The following SYNE2 variants were observed in gnomAD, a reference collection of about 807,000 sequenced individuals.
SYNE2 encodes spectrin repeat containing nuclear envelope protein 2.
A neutral mutation model predicts 856.3 loss-of-function variants in SYNE2; 431 were observed. The observed-to-expected ratio is 0.50, with a 90% CI of 0.47 to 0.55. SYNE2 has a LOEUF of 0.55. SYNE2 is among the 20% of genes least tolerant of loss of function. The probability of loss-of-function intolerance (pLI) is 0.00; values close to 1 mark genes in which losing one functional copy is unlikely to be tolerated. For synonymous variants in SYNE2, 2,923 were observed against 2,872.3 expected (o/e 1.02, Z -0.56); for missense variants, 8,129 against 8,023.2 (o/e 1.01, Z -0.50).
chr14:64,172,476 A>T (rs1292922749), intron 94 of SYNE2, among the ~76,000 whole-genome samples: 1 of 152,174 alleles, frequency 6.6e-6, no homozygotes, highest in Admixed American at 6.5e-5. Flanking sequence ...GAGGGCTTCC[A>T]GTGGCCAGAC....
At chr14:63,798,867 TG>T (rs1222248555) in intron 1 of SYNE2, among the ~76,000 whole-genome samples, 1 of 151,952 alleles carries the variant, frequency 6.6e-6, no homozygotes, top group Non-Finnish European at 1.5e-5. Context: ...GGAAAAAAGG[TG>T]GGTAGGAACA....
chr14:63,884,857 G>A (rs1417822410), intron 1 of SYNE2, among the ~76,000 whole-genome samples: 1 of 151,988 alleles, frequency 6.6e-6, no homozygotes, highest in Non-Finnish European at 1.5e-5. Flanking sequence ...AGCCAGGATG[G>A]TCTCGATCTC....
At chr14:63,999,128 G>A in intron 27 of SYNE2, 88 bp downstream of exon 27, 1 of 1,253,444 alleles carries the variant, frequency 8.0e-7, no homozygotes, top group Non-Finnish European at 1.1e-6. Context: ...TTTCTGTTGA[G>A]GTCACATATG....
At position 63,971,444 on chromosome 14, in the gene SYNE2, T is replaced by C. The variant is rs567914201; in HGVS notation, c.1128+3598T>C. On this transcript the variant is annotated intron_variant, in intron 11 of 115. Coordinates refer to ENST00000555002, the MANE Select transcript of SYNE2 (RefSeq NM_182914.3). ...GAGTTGTACAATATCTAAGTTATTG[T>C]ACAACTTTTTGTAACATGTAGAAAT... Among the ~76,000 whole-genome samples the C allele has an allele frequency of 4.6e-5, 7 of 152,238 alleles. No individual in the cohort carries two copies. In the East Asian group the frequency reaches 1.2e-3, roughly 25 times the overall value.
chr14:63,903,774 A>G (rs2095369423), intron 1 of SYNE2, among the ~76,000 whole-genome samples: 1 of 148,726 alleles, frequency 6.7e-6, no homozygotes, highest in South Asian at 2.1e-4. Context: ...TACATTTGAT[A>G]CCTTATATTT....
intron 70 of SYNE2, among the ~76,000 whole-genome samples, chr14:64,124,701 T>A (rs887505494): frequency 1.3e-5 from 2 of 152,216 alleles, no homozygotes; most frequent in African/African-American, 4.8e-5. Context: ...CATCTTTTTC[T>A]ATTTAAATTA....
intron 1 of SYNE2, among the ~76,000 whole-genome samples, chr14:63,875,569 G>A (rs1298991427): frequency 1.3e-5 from 2 of 151,968 alleles, no homozygotes; most frequent in Non-Finnish European, 2.9e-5. Flanking sequence ...GCCTGCGTTT[G>A]TGGAAACAGA....
chr14:63,969,368 G>C (rs1237270433), intron 11 of SYNE2, among the ~76,000 whole-genome samples: 1 of 126,002 alleles, frequency 7.9e-6, no homozygotes, highest in African/African-American at 3.1e-5. Context: ...TTGAGATGGG[G>C]TCTTGTTCTG....
chr14:63,771,400 T>C (rs995039295), intron 1 of SYNE2, among the ~76,000 whole-genome samples: 1 of 152,150 alleles, frequency 6.6e-6, no homozygotes, highest in Non-Finnish European at 1.5e-5. Flanking sequence ...ACTGAAATTT[T>C]GCTAATGACT....
chr14:64,080,786 T>C, intron 56 of SYNE2, 148 bp downstream of exon 56: 1 of 969,950 alleles, frequency 1.0e-6, no homozygotes, highest in Non-Finnish European at 1.6e-6. Context: ...GTGTGGGTGC[T>C]GAGGAGACAG....
chr14:63,852,411 G>C (rs537702987), upstream of SYNE2, among the ~76,000 whole-genome samples: 1 of 152,246 alleles, frequency 6.6e-6, no homozygotes, highest in African/African-American at 2.4e-5. Flanking sequence ...TGTCAGGTCG[G>C]ACGACTGAGA....
intron 66 of SYNE2, among the ~76,000 whole-genome samples, 161 bp from the exon 67 acceptor site, chr14:64,119,266 G>A (rs1218347618): frequency 6.6e-6 from 1 of 152,250 alleles, no homozygotes; most frequent in Non-Finnish European, 1.5e-5. Context: ...AAAAGTACAA[G>A]AATTCTGTGG....
chr14:63,803,299 G>A (rs1888228758), intron 1 of SYNE2, among the ~76,000 whole-genome samples: 2 of 152,230 alleles, frequency 1.3e-5, no homozygotes, highest in Non-Finnish European at 2.9e-5. Flanking sequence ...ATGGGACTGG[G>A]CGCCATGGAG....
At chr14:63,851,972 A>T (rs1890513001), upstream of SYNE2, among the ~76,000 whole-genome samples, 1 of 6,166 alleles carries the variant, frequency 1.6e-4, no homozygotes, top group African/African-American at 6.4e-4. Context: ...CCCAGCTACT[A>T]AGCGGGGGGG....
chr14:63,864,368 C>T (rs1457292335), intron 1 of SYNE2: 1 of 152,172 alleles, frequency 6.6e-6, no homozygotes, highest in African/African-American at 2.4e-5. Flanking sequence ...ATTATATTCC[C>T]TTGTGAGCTG....
intron 45 of SYNE2, among the ~76,000 whole-genome samples, chr14:64,039,483 A>T (rs2097130676): frequency 6.6e-6 from 1 of 152,178 alleles, no homozygotes; most frequent in Non-Finnish European, 1.5e-5. Context: ...CCTTAGGAGG[A>T]GTTCATGATA....
At chr14:63,818,043 A>AAG (rs1215394472) in intron 1 of SYNE2, among the ~76,000 whole-genome samples, 11 of 149,188 alleles carry the variant, frequency 7.4e-5, no homozygotes, top group Non-Finnish European at 1.0e-4. Context: ...AAAAAAAAAA[A>AAG]AAACAAATAA....
chr14:64,068,021 G>A (rs865860306), intron 51 of SYNE2, among the ~76,000 whole-genome samples: 2 of 152,082 alleles, frequency 1.3e-5, no homozygotes, highest in East Asian at 1.9e-4. Flanking sequence ...ACAATTGACC[G>A]TGAACCTGAA....
chr14:64,111,113 C>G (rs997415736), intron 65 of SYNE2, among the ~76,000 whole-genome samples: 1 of 151,670 alleles, frequency 6.6e-6, no homozygotes, highest in Admixed American at 6.6e-5. Context: ...TGCCTGTAAT[C>G]CCAGCACTTT....
Sources: gnomAD v4.1 joint callset for allele counts (sites outside exome capture counted in the v4.1 genomes callset) on GRCh38, gnomAD v4.1.1 for gene constraint, MANE v1.5 for transcripts, NCBI Gene and HGNC (gene_info 2026-07-23, HGNC 2026-07-21) for gene names.